Variants in MRPS28 observed in about 807,000 individuals in gnomAD.
The protein encoded by MRPS28 is mitochondrial ribosomal protein S28.
MRPS28 carries 7 observed loss-of-function variants against 10.8 expected under a neutral mutation model. The ratio of observed to expected loss-of-function variants is 0.65; its 90% CI spans 0.37 to 1.22. The LOEUF is 1.22. Among genes scored for constraint, MRPS28 ranks in the 50% most tolerant of loss-of-function variants. MRPS28 has a pLI of 0.02. For missense variants in MRPS28, 265 were observed against 232.9 expected, an observed-to-expected ratio of 1.14 and a Z score of -0.90; for synonymous variants, 121 against 93.3, an observed-to-expected ratio of 1.30 and a Z score of -1.71.
rs191316197 is a variant in MRPS28, at chr8:79,984,276, A to G, written c.395+18723T>C. On this transcript the variant is annotated intron_variant, in intron 2 of 2. Transcript: ENST00000276585. ...CCCTAAAAGAGCTCCTGAAGGAAGC[A>G]CTAAACATGGAAAGGAACAACCAGT... 2.7e-4 allele frequency among the ~76,000 whole-genome samples: 41 copies of G among 152,374 alleles called. 2 individuals carry two copies. The East Asian group carries it at 7.7e-3, about 29-fold the overall frequency.
intron 1 of MRPS28, among the ~76,000 whole-genome samples, chr8:80,009,705 C>T (rs1808977822): frequency 6.6e-6 from 1 of 151,734 alleles, no homozygotes; most frequent in South Asian, 2.1e-4. Context: ...CTCGAGAGCC[C>T]AGGCAGGGTA....
chr8:79,958,518 C>T (rs1807287272), intron 2 of MRPS28: 2 of 574,060 alleles, frequency 3.5e-6, no homozygotes, highest in Non-Finnish European at 3.1e-6. Context: ...TTATTTGGTA[C>T]ACTAACAATT....
At chr8:79,973,334 G>A (rs1269993895) in intron 2 of MRPS28, among the ~76,000 whole-genome samples, 1 of 152,070 alleles carries the variant, frequency 6.6e-6, no homozygotes, top group African/African-American at 2.4e-5. Flanking sequence ...TGTTGCACAG[G>A]CTGGAGTGCA....
In MRPS28 at chr8:79,949,401, G is replaced by A. The variant is rs1158093407; in HGVS notation, c.396-30253C>T. 7.5e-5 allele frequency among the ~76,000 whole-genome samples: 11 copies of A among 146,548 alleles called. 1 individual carries two copies. The highest frequency in any genetic ancestry group is 1.6e-4 in the Non-Finnish European group (11 of 67,106). ...TGCACTACAGCCTGGGCGACAGAGTGAGACTCCGTCTCAAAAAAAAAAAAA... is the reference window on the plus strand; with the variant it reads ...TGCACTACAGCCTGGGCGACAGAGTAAGACTCCGTCTCAAAAAAAAAAAAA... On this transcript the variant is annotated intron_variant, in intron 2 of 2. Coordinates refer to ENST00000276585, the MANE Select transcript of MRPS28 (RefSeq NM_014018.3).
At chr8:79,950,017 T>G (rs1807040454) in intron 2 of MRPS28, among the ~76,000 whole-genome samples, 1 of 152,074 alleles carries the variant, frequency 6.6e-6, no homozygotes, top group Admixed American at 6.6e-5. Flanking sequence ...TCAGGTCATA[T>G]TCAGAAAAAG....
chr8:80,013,535 G>A (rs909487549), intron 1 of MRPS28, among the ~76,000 whole-genome samples: 5 of 150,394 alleles, frequency 3.3e-5, no homozygotes, highest in Non-Finnish European at 5.9e-5. Flanking sequence ...TCAGGAGGCT[G>A]AGGCAGGAGA....
At chr8:79,996,499 T>C (rs777529601) in intron 2 of MRPS28, among the ~76,000 whole-genome samples, 5 of 152,234 alleles carry the variant, frequency 3.3e-5, no homozygotes, top group Non-Finnish European at 7.3e-5. Flanking sequence ...GCATATTTAG[T>C]GTCATGAAGA....
At chr8:79,961,998 A>AT (rs537319467) in intron 2 of MRPS28, among the ~76,000 whole-genome samples, 126 of 152,238 alleles carry the variant, frequency 8.3e-4, no homozygotes, top group African/African-American at 2.9e-3. Context: ...GTTAAATATT[A>AT]TTTTTTAAGT....
In MRPS28 at chr8:79,934,948, A is replaced by G. The variant is rs1806565066; in HGVS notation, c.396-15800T>C. Among the ~76,000 whole-genome samples, 3 of 152,366 alleles carry G rather than the reference A, an allele frequency of 2.0e-5. No homozygotes were observed. The South Asian group carries it at 6.2e-4, about 32-fold the overall frequency. On this transcript the variant is annotated intron_variant, in intron 2 of 2. Coordinates refer to ENST00000276585, the MANE Select transcript of MRPS28 (RefSeq NM_014018.3). ...ACTCTTTTGTTGAATTACATTAAAT[A>G]AATTGGTTGTTAAAAACTAGTGCTT...
At chr8:80,007,477 A>C (rs949782741) in intron 1 of MRPS28, among the ~76,000 whole-genome samples, 2 of 152,222 alleles carry the variant, frequency 1.3e-5, no homozygotes, top group Non-Finnish European at 2.9e-5. Context: ...AGAGGAAGTC[A>C]AACTGTCCCT....
intron 1 of MRPS28, among the ~76,000 whole-genome samples, chr8:80,026,792 G>C (rs968302272): frequency 1.3e-5 from 2 of 151,936 alleles, no homozygotes; most frequent in Admixed American, 6.5e-5. Context: ...TTTTTGTTTG[G>C]TTTTGGGCTT....
chr8:80,005,392 C>A (rs1405559823), intron 1 of MRPS28, among the ~76,000 whole-genome samples: 15 of 149,944 alleles, frequency 1.0e-4, no homozygotes, highest in South Asian at 4.2e-4. Context: ...AACTAAGCTT[C>A]ATAAGTGAAG....
chr8:79,935,334 TTTTCTTTCTTTTCC>T (rs1449787502), intron 2 of MRPS28, among the ~76,000 whole-genome samples: 1 of 152,190 alleles, frequency 6.6e-6, no homozygotes, highest in South Asian at 2.1e-4. Flanking sequence ...TCTTTTCTTT[TTTTCTTTCTTTTCC>T]TTTCTTTCTT....
At chr8:79,996,700 CA>C (rs1444285241) in intron 2 of MRPS28, among the ~76,000 whole-genome samples, 18 of 152,304 alleles carry the variant, frequency 1.2e-4, no homozygotes, top group Admixed American at 1.1e-3. Flanking sequence ...ACACCATAAC[CA>C]AAGATATAAC....
chr8:80,029,834 C>G, intron 1 of MRPS28: 2 of 1,533,804 alleles, frequency 1.3e-6, no homozygotes, highest in Non-Finnish European at 1.7e-6. Context: ...AAATGCCACA[C>G]AAAAGGACAA....
intron 2 of MRPS28, among the ~76,000 whole-genome samples, chr8:79,950,450 G>A (rs955899588): frequency 5.9e-5 from 9 of 152,016 alleles, no homozygotes; most frequent in African/African-American, 2.2e-4. Flanking sequence ...AGGATATTAG[G>A]GTATAATTCT....
intron 2 of MRPS28, among the ~76,000 whole-genome samples, chr8:79,952,429 C>T (rs1173108102): frequency 6.6e-6 from 1 of 152,012 alleles, no homozygotes; most frequent in Non-Finnish European, 1.5e-5. Flanking sequence ...TAAAAATACA[C>T]CAAGAGTAGA....
At chr8:79,942,670 A>G (rs1806801599) in intron 2 of MRPS28, among the ~76,000 whole-genome samples, 1 of 152,230 alleles carries the variant, frequency 6.6e-6, no homozygotes. Flanking sequence ...CATTGACTTG[A>G]TCACAGCTGA....
At chr8:80,010,280 G>A (rs566643806) in intron 1 of MRPS28, among the ~76,000 whole-genome samples, 1 of 152,292 alleles carries the variant, frequency 6.6e-6, no homozygotes, top group East Asian at 1.9e-4. Flanking sequence ...ATCATGGAAG[G>A]ACATTAACAA....
Sources: allele counts gnomAD v4.1 joint callset (sites outside exome capture counted in the v4.1 genomes callset), GRCh38; gene constraint gnomAD v4.1.1; transcripts MANE v1.5; gene names NCBI Gene and HGNC (gene_info 2026-07-23, HGNC 2026-07-21).